The following DACH1 variants were observed in gnomAD, a reference collection of about 807,000 sequenced individuals.
DACH1 encodes dachshund homolog 1.
Under a neutral mutation model 54.2 loss-of-function variants are expected in DACH1, and 12 were observed. The ratio of observed to expected loss-of-function variants is 0.22; its 90% CI spans 0.14 to 0.36. The LOEUF (loss-of-function observed/expected upper bound fraction) is 0.36, where lower values mean the gene tolerates loss of function less well. Among genes scored for constraint, DACH1 ranks in the 10% least tolerant of loss-of-function variants. DACH1 has a pLI of 1.00. For missense variants in DACH1, 805 were observed against 929.8 expected (o/e 0.87, Z 1.75); for synonymous variants, 386 against 366.2 (o/e 1.05, Z -0.62).
At chr13:71,691,567 G>T (rs1594102121) in intron 1 of DACH1, among the ~76,000 whole-genome samples, 1 of 150,658 alleles carries the variant, frequency 6.6e-6, no homozygotes, top group Non-Finnish European at 1.5e-5. Flanking sequence ...AGCCCAGAAA[G>T]TAAAAGTAAA....
intron 6 of DACH1, among the ~76,000 whole-genome samples, chr13:71,492,845 T>C (rs1879099421): frequency 6.6e-6 from 1 of 151,934 alleles, no homozygotes; most frequent in Admixed American, 6.6e-5. Context: ...TTTCAGTGTA[T>C]ATTTCTTAAG....
At chr13:71,598,609 C>T (rs1331346394) in intron 3 of DACH1, among the ~76,000 whole-genome samples, 2 of 152,068 alleles carry the variant, frequency 1.3e-5, no homozygotes, top group Non-Finnish European at 2.9e-5. Context: ...TGTATATAAA[C>T]CACTCATGAT....
intron 3 of DACH1, among the ~76,000 whole-genome samples, chr13:71,604,759 T>C (rs992294693): frequency 2.0e-5 from 3 of 151,904 alleles, no homozygotes; most frequent in African/African-American, 7.2e-5. Flanking sequence ...TTCTCATTTA[T>C]CTCCTCCTGC....
chr13:71,864,209 ACACAC>A (rs148642099), intron 1 of DACH1, among the ~76,000 whole-genome samples: 12,532 of 132,586 alleles, frequency 0.095, 990 homozygotes, highest in East Asian at 0.52. Flanking sequence ...ACACACACAC[ACACAC>A]AACATTTACC....
intron 8 of DACH1, among the ~76,000 whole-genome samples, chr13:71,477,083 TATA>T (rs1369650996): frequency 2.4e-3 from 102 of 42,264 alleles, no homozygotes; most frequent in Non-Finnish European, 3.9e-3. Context: ...TTTATTATTA[TATA>T]TATATATATA....
chr13:71,467,389 A>G (rs1315866701), intron 10 of DACH1, among the ~76,000 whole-genome samples: 2 of 150,076 alleles, frequency 1.3e-5, no homozygotes, highest in Non-Finnish European at 3.0e-5. Flanking sequence ...TAGCAGATAT[A>G]CCTAATGCTA....
intron 6 of DACH1, among the ~76,000 whole-genome samples, chr13:71,543,459 T>C (rs1883265219): frequency 6.6e-6 from 1 of 152,028 alleles, no homozygotes; most frequent in Non-Finnish European, 1.5e-5. Flanking sequence ...GGAAAAAACA[T>C]CAAAAAACTC....
intron 1 of DACH1, among the ~76,000 whole-genome samples, chr13:71,725,195 G>A (rs560461354): frequency 3.3e-5 from 5 of 152,146 alleles, no homozygotes; most frequent in South Asian, 2.1e-4. Context: ...GAATGTTAGC[G>A]TCAAAAAACC....
chr13:71,826,544 T>C (rs1457217642), intron 1 of DACH1, among the ~76,000 whole-genome samples: 1 of 152,028 alleles, frequency 6.6e-6, no homozygotes, highest in East Asian at 1.9e-4. Flanking sequence ...TACTTGTCCA[T>C]GCCATCCCAC....
At chr13:71,445,310 A>G (rs1030697087) in intron 10 of DACH1, among the ~76,000 whole-genome samples, 1 of 152,246 alleles carries the variant, frequency 6.6e-6, no homozygotes, top group Non-Finnish European at 1.5e-5. Context: ...AAAATATACC[A>G]GTAATAAGTA....
chr13:71,691,511 G>T (rs917101201), intron 1 of DACH1, among the ~76,000 whole-genome samples: 5 of 151,572 alleles, frequency 3.3e-5, no homozygotes, highest in African/African-American at 1.2e-4. Flanking sequence ...AAGTAATAGA[G>T]TCAGGTTGTG....
chr13:71,569,194 C>A lies in DACH1; in HGVS notation c.1299+3646G>T, dbSNP rs182702313. Among the ~76,000 whole-genome samples the A allele has an allele frequency of 1.3e-4, 20 of 151,856 alleles. No individual in the cohort carries two copies. The East Asian group carries it at 3.9e-3, about 29-fold the overall frequency. ...TTTTAATTTTTTTTTCTACTTGGTTCTATTGTGTTTGAGAGTTTAGTTTGA... is the reference window on the plus strand; with the variant it reads ...TTTTAATTTTTTTTTCTACTTGGTTATATTGTGTTTGAGAGTTTAGTTTGA... On this transcript the variant is annotated intron_variant, in intron 4 of 10. Coordinates refer to ENST00000613252, the MANE Select transcript of DACH1 (RefSeq NM_080759.6).
At chr13:71,442,900 G>A (rs952558761) in intron 10 of DACH1, among the ~76,000 whole-genome samples, 4 of 151,570 alleles carry the variant, frequency 2.6e-5, no homozygotes, top group African/African-American at 9.7e-5. Context: ...TGTTGACAAT[G>A]GGTAACTGAG....
chr13:71,637,880 G>A (rs2138588279), intron 2 of DACH1, among the ~76,000 whole-genome samples: 1 of 152,188 alleles, frequency 6.6e-6, no homozygotes, highest in Non-Finnish European at 1.5e-5. Context: ...ACATATTGCT[G>A]TCAAATTCTT....
chr13:71,539,178 A>T (rs987981888), intron 6 of DACH1, among the ~76,000 whole-genome samples: 2 of 151,822 alleles, frequency 1.3e-5, no homozygotes, highest in African/African-American at 2.4e-5. Context: ...GTATAAAAAC[A>T]CTCTCACACC....
intron 3 of DACH1, among the ~76,000 whole-genome samples, chr13:71,592,862 A>G (rs1404506556): frequency 3.3e-5 from 5 of 152,198 alleles, no homozygotes; most frequent in African/African-American, 1.2e-4. Flanking sequence ...GACTTAACCC[A>G]GTATGGTCCA....
chr13:71,783,102 AC>A (rs1184926680), intron 1 of DACH1, among the ~76,000 whole-genome samples: 1 of 152,186 alleles, frequency 6.6e-6, no homozygotes, highest in African/African-American at 2.4e-5. Flanking sequence ...GTGGCTATAC[AC>A]ACAGACGTAC....
intron 3 of DACH1, among the ~76,000 whole-genome samples, chr13:71,629,009 T>G (rs1289822841): frequency 1.3e-5 from 2 of 152,146 alleles, no homozygotes; most frequent in Non-Finnish European, 2.9e-5. Flanking sequence ...CAGATTGTTT[T>G]GTAATAATAG....
At chr13:71,754,864 G>A (rs1187404683) in intron 1 of DACH1, among the ~76,000 whole-genome samples, 1 of 152,118 alleles carries the variant, frequency 6.6e-6, no homozygotes, top group Non-Finnish European at 1.5e-5. Flanking sequence ...AATAAGGCAA[G>A]TATGTTATGA....
Sources: gnomAD v4.1 joint callset for allele counts (sites outside exome capture counted in the v4.1 genomes callset) on GRCh38, gnomAD v4.1.1 for gene constraint, MANE v1.5 for transcripts, NCBI Gene and HGNC (gene_info 2026-07-23, HGNC 2026-07-21) for gene names.